The following INO80 variants were observed in gnomAD, a reference collection of about 807,000 sequenced individuals.
The protein encoded by INO80 is chromatin-remodeling ATPase INO80.
In INO80, 20 loss-of-function variants were observed where a neutral mutation model predicts 203.4. That is an observed-to-expected ratio of 0.10 (90% CI 0.07 to 0.14). The LOEUF (loss-of-function observed/expected upper bound fraction) is 0.14, where lower values mean the gene tolerates loss of function less well. Ranked by LOEUF, INO80 falls within the 10% of genes least tolerant of loss-of-function variation. INO80 has a pLI of 1.00. For missense variants in INO80, 1,419 were observed against 1,914.4 expected (o/e 0.74, Z 4.83); for synonymous variants, 726 against 685.2 (o/e 1.06, Z -0.93).
At chr15:41,002,579 G>C (rs146252162) in intron 28 of INO80, among the ~76,000 whole-genome samples, 126 of 152,306 alleles carry the variant, frequency 8.3e-4, no homozygotes, top group African/African-American at 3.0e-3. Context: ...CTACAGCTCT[G>C]GTTGGGGTCT....
chr15:41,105,625 C>T (rs2045869709), intron 1 of INO80, among the ~76,000 whole-genome samples: 1 of 152,086 alleles, frequency 6.6e-6, no homozygotes, highest in South Asian at 2.1e-4. Flanking sequence ...CGACATAAAA[C>T]TATGCCACTG....
intron 35 of INO80, 97 bp from the exon 36 acceptor site, chr15:40,980,537 A>G: frequency 1.2e-6 from 1 of 865,890 alleles, no homozygotes; most frequent in South Asian, 1.5e-5. Flanking sequence ...GCTGGAGGAG[A>G]AGTGGTGGGC....
intron 6 of INO80, among the ~76,000 whole-genome samples, chr15:41,086,209 A>G (rs1302531970): frequency 6.6e-6 from 1 of 152,212 alleles, no homozygotes; most frequent in African/African-American, 2.4e-5. Flanking sequence ...AGAAAAAGAC[A>G]TATTGATATG....
At chr15:41,036,177 A>AAC in intron 24 of INO80, among the ~76,000 whole-genome samples, 1 of 150,332 alleles carries the variant, frequency 6.7e-6, no homozygotes, top group Non-Finnish European at 1.5e-5. Context: ...AAAAAAAAAA[A>AAC]AAAAAAAACC....
chr15:41,011,319 A>C (rs1281305098), intron 27 of INO80, among the ~76,000 whole-genome samples: 1 of 152,204 alleles, frequency 6.6e-6, no homozygotes, highest in Non-Finnish European at 1.5e-5. Context: ...TTCACGCTTC[A>C]TTTTGACATT....
intron 27 of INO80, among the ~76,000 whole-genome samples, chr15:41,010,000 CT>C (rs969599187): frequency 1.3e-5 from 2 of 152,162 alleles, no homozygotes; most frequent in Admixed American, 6.5e-5. Flanking sequence ...GCTATCCTGA[CT>C]GATAAAGAGT....
chr15:41,085,713 C>G, intron 6 of INO80, 130 bp from the exon 7 acceptor site: 1 of 657,254 alleles, frequency 1.5e-6, no homozygotes, highest in Non-Finnish European at 2.6e-6. Flanking sequence ...CCTTTATCTA[C>G]TCAGACCCAT....
chr15:40,986,496 T>G (rs1316536540), intron 31 of INO80, among the ~76,000 whole-genome samples: 1 of 151,950 alleles, frequency 6.6e-6, no homozygotes, highest in African/African-American at 2.4e-5. Flanking sequence ...GACTAATATT[T>G]GTATTTTTAG....
At chr15:41,094,593 T>C (rs1324248882) in intron 4 of INO80, among the ~76,000 whole-genome samples, 3 of 152,174 alleles carry the variant, frequency 2.0e-5, no homozygotes, top group Middle Eastern at 3.2e-3. Flanking sequence ...TAAATCAACA[T>C]CTGTTAAATG....
chr15:41,012,385 G>A (rs1442402859), intron 27 of INO80, among the ~76,000 whole-genome samples: 2 of 151,652 alleles, frequency 1.3e-5, no homozygotes, highest in African/African-American at 4.8e-5. Context: ...TGGCCAACAT[G>A]GTGAAACCCC....
chr15:41,004,000 G>C (rs2044001808), intron 28 of INO80, among the ~76,000 whole-genome samples: 1 of 152,200 alleles, frequency 6.6e-6, no homozygotes, highest in South Asian at 2.1e-4. Context: ...GATAAAATAT[G>C]TATCACTGAT....
At chr15:41,052,852 C>T (rs1411270174) in intron 19 of INO80, among the ~76,000 whole-genome samples, 2 of 105,382 alleles carry the variant, frequency 1.9e-5, no homozygotes, top group Admixed American at 1.0e-4. Flanking sequence ...CAAAACTGGT[C>T]GCTACAAAAA....
intron 25 of INO80, among the ~76,000 whole-genome samples, chr15:41,025,152 C>G (rs1290291981): frequency 6.6e-6 from 1 of 152,190 alleles, no homozygotes; most frequent in East Asian, 1.9e-4. Flanking sequence ...AACACATGTT[C>G]ACAGCAATTA....
intron 23 of INO80, among the ~76,000 whole-genome samples, chr15:41,045,691 G>A (rs910630931): frequency 9.9e-5 from 15 of 151,400 alleles, no homozygotes; most frequent in African/African-American, 1.7e-4. Flanking sequence ...CCAGGAGTTC[G>A]GGAACAGCCT....
chr15:41,020,614 G>A (rs945425862), intron 26 of INO80, among the ~76,000 whole-genome samples: 2 of 147,208 alleles, frequency 1.4e-5, no homozygotes, highest in Non-Finnish European at 3.0e-5. Flanking sequence ...TCAACCTAGA[G>A]CCTTTCCTAC....
intron 28 of INO80, 172 bp downstream of exon 28, chr15:41,005,421 T>C (rs1024867524): frequency 3.6e-5 from 20 of 548,250 alleles, no homozygotes; most frequent in Admixed American, 2.4e-4. Flanking sequence ...CCCAGACACA[T>C]AGATCTGAAT....
intron 1 of INO80, 50 bp from the exon 2 acceptor site, chr15:41,096,403 CT>C: frequency 1.5e-6 from 2 of 1,310,670 alleles, no homozygotes; most frequent in Non-Finnish European, 2.0e-6. Flanking sequence ...TCCATTCTCC[CT>C]TTCTCTTGCC....
At chr15:41,057,797 CAAAAAAAAAAAAA>C (rs35197370) in intron 16 of INO80, among the ~76,000 whole-genome samples, 119 of 29,342 alleles carry the variant, frequency 4.1e-3, no homozygotes, top group Non-Finnish European at 6.9e-3. Flanking sequence ...AACTACATCT[CAAAAAAAAAAAAA>C]AAAAAAAAAA....
At chr15:41,069,242 C>CA (rs766274939) in intron 14 of INO80, among the ~76,000 whole-genome samples, 4 of 151,940 alleles carry the variant, frequency 2.6e-5, no homozygotes, top group Non-Finnish European at 4.4e-5. Context: ...CTCGCCCCCT[C>CA]ACCCCCCTGG....
Sources: allele counts gnomAD v4.1 joint callset (sites outside exome capture counted in the v4.1 genomes callset), GRCh38; gene constraint gnomAD v4.1.1; transcripts MANE v1.5; gene names NCBI Gene and HGNC (gene_info 2026-07-23, HGNC 2026-07-21).